S100Z: variants seen among roughly 807,000 people sequenced by gnomAD.
S100Z encodes protein S100-Z.
S100Z carries 11 observed loss-of-function variants against 8.5 expected under a neutral mutation model. The ratio of observed to expected loss-of-function variants is 1.30; its 90% CI spans 0.82 to 2.15. S100Z has a LOEUF of 2.15. Among genes scored for constraint, S100Z ranks in the 30% most tolerant of loss-of-function variants. The probability of loss-of-function intolerance (pLI) is 0.00; values close to 1 mark genes in which losing one functional copy is unlikely to be tolerated. For missense variants in S100Z, 126 were observed against 117.9 expected (o/e 1.07, Z -0.32); for synonymous variants, 34 against 43.8 (o/e 0.78, Z 0.89).
chr5:76,890,098 A>G (rs561449853), intron 4 of S100Z, among the ~76,000 whole-genome samples: 25 of 152,338 alleles, frequency 1.6e-4, no homozygotes, highest in African/African-American at 5.8e-4. Context: ...ATCTCGGCTC[A>G]CTGCAACCTC....
chr5:76,925,301 G>A (rs1475351528), downstream of S100Z, among the ~76,000 whole-genome samples: 1 of 152,166 alleles, frequency 6.6e-6, no homozygotes, highest in Non-Finnish European at 1.5e-5. Context: ...GTATGCGGGG[G>A]TGTGAACGCC....
At chr5:76,935,624 A>T in the S100Z span, among the ~76,000 whole-genome samples, 1 of 152,036 alleles carries the variant, frequency 6.6e-6, no homozygotes, top group African/African-American at 2.4e-5. Flanking sequence ...AAAGTAATTG[A>T]TCTAACGTGC....
chr5:76,950,060 T>A, the S100Z span, among the ~76,000 whole-genome samples: 1 of 152,230 alleles, frequency 6.6e-6, no homozygotes, highest in African/African-American at 2.4e-5. Flanking sequence ...TGTTGTTGGC[T>A]AACTACAATG....
intron 1 of S100Z, among the ~76,000 whole-genome samples, chr5:76,854,800 A>G (rs530809871): frequency 6.6e-6 from 1 of 152,374 alleles, no homozygotes; most frequent in South Asian, 2.1e-4. Flanking sequence ...AAAGGCCTCA[A>G]AGGTATTTCA....
At chr5:76,948,216 C>G in the S100Z span, among the ~76,000 whole-genome samples, 1 of 152,056 alleles carries the variant, frequency 6.6e-6, no homozygotes, top group Admixed American at 6.5e-5. Context: ...ATCCCAGCTA[C>G]TGGGGAGGCT....
chr5:76,859,964 G>A (rs1334759628), intron 1 of S100Z, among the ~76,000 whole-genome samples: 1 of 152,080 alleles, frequency 6.6e-6, no homozygotes, highest in East Asian at 1.9e-4. Context: ...ATTCTTTGTG[G>A]AGAATCTGCT....
the S100Z span, among the ~76,000 whole-genome samples, chr5:76,931,013 C>A: frequency 6.6e-6 from 1 of 152,050 alleles, no homozygotes; most frequent in East Asian, 1.9e-4. Flanking sequence ...GGAGTGGGGG[C>A]AGTGGGGTAT....
At chr5:76,898,477 C>T (rs2359426) in intron 4 of S100Z, among the ~76,000 whole-genome samples, 98,577 of 151,984 alleles carry the variant, frequency 0.65, 32,230 homozygotes, top group African/African-American at 0.7. Flanking sequence ...GGTATGTTCC[C>T]TCTATCCCCA....
intron 1 of S100Z, among the ~76,000 whole-genome samples, chr5:76,868,428 A>G (rs1742866689): frequency 6.6e-6 from 1 of 152,118 alleles, no homozygotes; most frequent in Non-Finnish European, 1.5e-5. Context: ...ACAGCATTAC[A>G]ATTTTCAATA....
chr5:76,911,230 A>C (rs1561249421), intron 4 of S100Z, among the ~76,000 whole-genome samples: 2 of 152,190 alleles, frequency 1.3e-5, no homozygotes. Flanking sequence ...TAAAAGCTCA[A>C]GGCTTAGTAA....
At chr5:76,931,360 AC>A in the S100Z span, among the ~76,000 whole-genome samples, 1 of 151,998 alleles carries the variant, frequency 6.6e-6, no homozygotes, top group Non-Finnish European at 1.5e-5. Flanking sequence ...CAATCAACCC[AC>A]TTCAGCCTCC....
chr5:76,871,030 C>A (rs944370132), intron 2 of S100Z, among the ~76,000 whole-genome samples: 17 of 152,132 alleles, frequency 1.1e-4, no homozygotes, highest in African/African-American at 2.9e-4. Context: ...CCAGGGGACC[C>A]CAGAGAAACC....
At chr5:76,891,670 T>C (rs1418049421) in intron 4 of S100Z, among the ~76,000 whole-genome samples, 2 of 152,046 alleles carry the variant, frequency 1.3e-5, no homozygotes, top group Non-Finnish European at 2.9e-5. Context: ...GGAGGAGTCG[T>C]TTGGAAACAC....
At chr5:76,866,241 T>C (rs1580000415) in intron 1 of S100Z, among the ~76,000 whole-genome samples, 1 of 151,562 alleles carries the variant, frequency 6.6e-6, no homozygotes, top group African/African-American at 2.4e-5. Flanking sequence ...TGCGCCACCA[T>C]GCCCGGCTAA....
At chr5:76,938,988 C>A in the S100Z span, among the ~76,000 whole-genome samples, 2 of 152,058 alleles carry the variant, frequency 1.3e-5, no homozygotes, top group Non-Finnish European at 2.9e-5. Context: ...CAGCTCCCCA[C>A]CCCAGATAAT....
At chr5:76,890,455 G>C (rs1580034785) in intron 4 of S100Z, among the ~76,000 whole-genome samples, 1 of 152,190 alleles carries the variant, frequency 6.6e-6, no homozygotes, top group South Asian at 2.1e-4. Flanking sequence ...TATTAAAAAA[G>C]AGAATATGAT....
chr5:76,928,464 T>A, the S100Z span, among the ~76,000 whole-genome samples: 1 of 152,124 alleles, frequency 6.6e-6, no homozygotes, highest in African/African-American at 2.4e-5. Flanking sequence ...TTTTATATAA[T>A]AAAAAAGGCT....
chr5:76,857,422 T>C (rs929514503), intron 1 of S100Z, among the ~76,000 whole-genome samples: 2 of 151,914 alleles, frequency 1.3e-5, no homozygotes, highest in Non-Finnish European at 2.9e-5. Context: ...CGTGCTTCCA[T>C]ATATATACTC....
At chr5:76,879,067 G>T (rs1743298370) in intron 4 of S100Z, among the ~76,000 whole-genome samples, 1 of 152,172 alleles carries the variant, frequency 6.6e-6, no homozygotes, top group Non-Finnish European at 1.5e-5. Flanking sequence ...GCTTGTAATA[G>T]TTCTGGACAA....
Sources: allele counts gnomAD v4.1 joint callset (sites outside exome capture counted in the v4.1 genomes callset), GRCh38; gene constraint gnomAD v4.1.1; transcripts MANE v1.5; gene names NCBI Gene and HGNC (gene_info 2026-07-23, HGNC 2026-07-21).